The following CUEDC1 variants were observed in gnomAD, a reference collection of about 807,000 sequenced individuals.
The protein encoded by CUEDC1 is CUE domain-containing protein 1.
Under a neutral mutation model 43.7 loss-of-function variants are expected in CUEDC1, and 30 were observed. The observed-to-expected ratio is 0.69, with a 90% CI of 0.51 to 0.93. The LOEUF is 0.93. Among genes scored for constraint, CUEDC1 ranks in the 40% least tolerant of loss-of-function variants. CUEDC1 has a pLI of 0.00. For synonymous variants in CUEDC1, 223 were observed against 223.6 expected, an observed-to-expected ratio of 1.00 and a Z score of 0.02; for missense variants, 486 against 549.0, an observed-to-expected ratio of 0.89 and a Z score of 1.15.
intron 1 of CUEDC1, among the ~76,000 whole-genome samples, chr17:57,887,023 A>G (rs1380957897): frequency 6.6e-6 from 1 of 151,826 alleles, no homozygotes; most frequent in Non-Finnish European, 1.5e-5. Flanking sequence ...GGGTTTCACC[A>G]TGTTAGCCAG....
At chr17:57,941,770 G>C (rs551975233) in intron 1 of CUEDC1, among the ~76,000 whole-genome samples, 1 of 152,246 alleles carries the variant, frequency 6.6e-6, no homozygotes, top group East Asian at 1.9e-4. Context: ...GTCAGTATAA[G>C]GACTAAACTA....
chr17:57,893,349 A>ATATGTG (rs2074375129), intron 1 of CUEDC1, among the ~76,000 whole-genome samples: 1 of 148,262 alleles, frequency 6.7e-6, no homozygotes, highest in African/African-American at 2.5e-5. Context: ...CTCTCAGGGT[A>ATATGTG]TGTGTGTGTG....
intron 3 of CUEDC1, among the ~76,000 whole-genome samples, chr17:57,876,605 A>G (rs2074129913): frequency 6.6e-6 from 1 of 152,254 alleles, no homozygotes; most frequent in African/African-American, 2.4e-5. Context: ...CACATGGCTC[A>G]GCACCTGCGT....
intron 10 of CUEDC1, among the ~76,000 whole-genome samples, chr17:57,864,625 G>A (rs544500331): frequency 2.6e-5 from 4 of 152,130 alleles, no homozygotes; most frequent in Non-Finnish European, 5.9e-5. Context: ...TGATGGGAGG[G>A]GCTGTCAGCC....
rs1263778604 is a variant in CUEDC1 at position 57,954,555 on chromosome 17, G to C, written c.-316+670C>G. Among the ~76,000 whole-genome samples, 1 of 152,202 alleles carries C rather than the reference G, an allele frequency of 6.6e-6. No individual in the cohort carries two copies. The highest frequency in any genetic ancestry group is 1.5e-5 in the Non-Finnish European group (1 of 68,030). On this transcript the variant is annotated intron_variant, in intron 1 of 10. Coordinates refer to ENST00000577830, the MANE Select transcript of CUEDC1 (RefSeq NM_001271875.2). The surrounding 1 kb of genome is among the most constrained non-coding windows in gnomAD (Gnocchi z 4.3). ...ACACCAGCCCCCCTTGGAGCTCAGAGCCTGGGGCACAGGAGCCGGCGGGGC... is the reference window on the plus strand; with the variant it reads ...ACACCAGCCCCCCTTGGAGCTCAGACCCTGGGGCACAGGAGCCGGCGGGGC...
rs915512057 is a variant in CUEDC1, at chr17:57,939,027, G to A, written c.-316+16198C>T. Among the ~76,000 whole-genome samples, 30 of 128,316 alleles carry A rather than the reference G, an allele frequency of 2.3e-4. No homozygotes were observed. The Admixed American group carries it at 3.1e-3, about 13-fold the overall frequency. 84.2% of individuals were successfully genotyped at this position (128,316 alleles called of 152,430 possible). On this transcript the variant is annotated intron_variant, in intron 1 of 10. Transcript: ENST00000577830. ...CTGTCACCCAAGCAGGAGTGCAATG[G>A]CATGATCCTGGCTCACTGCAACCTC...
rs537379652 is a variant in CUEDC1 at position 57,930,322 on chromosome 17, G to A, written c.-316+24903C>T. ...GTGAACTCCACCTGGCAAACAAGTC[G>A]GACTCCAGCAAAGGCTCACCAGTTA... is the stretch of plus-strand genomic sequence containing the variant. On this transcript the variant is annotated intron_variant, in intron 1 of 10. Transcript: ENST00000577830. The surrounding 1 kb of genome is among the most constrained non-coding windows in gnomAD (Gnocchi z 4.2). Among the ~76,000 whole-genome samples the A allele has an allele frequency of 2.5e-4, 38 of 152,262 alleles. No individual in the cohort carries two copies. The highest frequency in any genetic ancestry group is 3.9e-4 in the Admixed American group (6 of 15,296).
At chr17:57,882,556 C>T (rs1314884414) in intron 2 of CUEDC1, among the ~76,000 whole-genome samples, 1 of 152,106 alleles carries the variant, frequency 6.6e-6, no homozygotes, top group Non-Finnish European at 1.5e-5. Context: ...TTCCAGTTCA[C>T]ACTTAAAGCA....
chr17:57,876,887 C>T (rs1028025669), intron 3 of CUEDC1, among the ~76,000 whole-genome samples: 5 of 152,228 alleles, frequency 3.3e-5, no homozygotes, highest in African/African-American at 7.2e-5. Flanking sequence ...GTGCTAAGTG[C>T]TCCACACACA....
At chr17:57,950,783 CTT>C (rs1043260592) in intron 1 of CUEDC1, among the ~76,000 whole-genome samples, 6 of 152,202 alleles carry the variant, frequency 3.9e-5, no homozygotes, top group Non-Finnish European at 8.8e-5. Context: ...AGCTTGCACT[CTT>C]GACTGCCTAT....
rs1412949049 is a variant in CUEDC1 at position 57,954,435 on chromosome 17, CTTTT to C, written c.-316+786_-316+789del. On this transcript the variant is annotated intron_variant, in intron 1 of 10. Coordinates refer to ENST00000577830, the MANE Select transcript of CUEDC1 (RefSeq NM_001271875.2). The surrounding 1 kb of genome is among the most constrained non-coding windows in gnomAD (Gnocchi z 4.3). ...CAGTGTACGTTTCTTAGAGCTAAAA[CTTTT>C]TTTAAGGGGAAAAGAAATGGGCAGG... Among the ~76,000 whole-genome samples, 1 of 152,182 alleles carries C rather than the reference CTTTT, an allele frequency of 6.6e-6. No individual in the cohort carries two copies. Among genetic ancestry groups the C allele is most frequent in the South Asian group, 2.1e-4 (1 of 4,830 alleles).
intron 2 of CUEDC1, among the ~76,000 whole-genome samples, chr17:57,880,166 G>A (rs976197951): frequency 2.0e-5 from 3 of 152,244 alleles, no homozygotes; most frequent in South Asian, 2.1e-4. Context: ...TGGAATATTC[G>A]CACTGTGAAA....
At position 57,950,869 on chromosome 17, in the gene CUEDC1, A is replaced by G. The variant is rs1040742828; in HGVS notation, c.-316+4356T>C. On this transcript the variant is annotated intron_variant, in intron 1 of 10. Coordinates refer to ENST00000577830, the MANE Select transcript of CUEDC1 (RefSeq NM_001271875.2). ...TGCCCTGTTCCTCTGGACCAATGTT[A>G]GTATTAACTTTATGCCATTCAACCC... Among the ~76,000 whole-genome samples, 32 of 152,176 alleles carry G rather than the reference A, an allele frequency of 2.1e-4. 1 individual carries two copies. The highest frequency in any genetic ancestry group is 7.2e-4 in the African/African-American group (30 of 41,442).
At chr17:57,870,706 T>C (rs2074022950) in intron 6 of CUEDC1, among the ~76,000 whole-genome samples, 1 of 150,972 alleles carries the variant, frequency 6.6e-6, no homozygotes, top group Non-Finnish European at 1.5e-5. Flanking sequence ...AGACAGGGTC[T>C]CACTCTGTCA....
chr17:57,940,825 C>T (rs1198274066), intron 1 of CUEDC1, among the ~76,000 whole-genome samples: 6 of 152,210 alleles, frequency 3.9e-5, no homozygotes, highest in Admixed American at 2.0e-4. Flanking sequence ...TTAGGAAGCA[C>T]CCTATCTGGT....
chr17:57,919,879 T>C (rs2074682442), intron 1 of CUEDC1, among the ~76,000 whole-genome samples: 1 of 152,190 alleles, frequency 6.6e-6, no homozygotes, highest in Non-Finnish European at 1.5e-5. Flanking sequence ...CAGCCCCCAG[T>C]AATAGCCAAC....
At chr17:57,882,376 G>A (rs916921432) in intron 2 of CUEDC1, among the ~76,000 whole-genome samples, 2 of 152,110 alleles carry the variant, frequency 1.3e-5, no homozygotes, top group African/African-American at 2.4e-5. Context: ...AAGATTCTTA[G>A]AAAAACAGAA....
intron 1 of CUEDC1, among the ~76,000 whole-genome samples, chr17:57,906,513 TAAAC>T (rs2074531130): frequency 6.6e-6 from 1 of 152,210 alleles, no homozygotes; most frequent in Non-Finnish European, 1.5e-5. Context: ...TTTGGGATGA[TAAAC>T]AAGTTCTGGA....
chr17:57,863,805 A>C (rs987828719), intron 10 of CUEDC1, among the ~76,000 whole-genome samples: 5 of 152,044 alleles, frequency 3.3e-5, no homozygotes, highest in African/African-American at 1.2e-4. Context: ...GTTTAAGACC[A>C]GCCTAACCAG....
Sources: allele counts gnomAD v4.1 joint callset (sites outside exome capture counted in the v4.1 genomes callset), GRCh38; gene constraint gnomAD v4.1.1; non-coding constraint Gnocchi (gnomAD v3.1); transcripts MANE v1.5; gene names NCBI Gene and HGNC (gene_info 2026-07-23, HGNC 2026-07-21).